The following ZNF106 variants were observed in gnomAD, a reference collection of about 807,000 sequenced individuals.
ZNF106 encodes the protein SH3-domain binding protein 3.
ZNF106 carries 67 observed loss-of-function variants against 195.1 expected under a neutral mutation model. The ratio of observed to expected loss-of-function variants is 0.34; its 90% CI spans 0.28 to 0.42. The LOEUF (loss-of-function observed/expected upper bound fraction) is 0.42. ZNF106 is among the 10% of genes least tolerant of loss of function. ZNF106 has a pLI of 1.00. For missense variants in ZNF106, 2,118 were observed against 2,304.5 expected (o/e 0.92, Z 1.66); for synonymous variants, 784 against 818.6 (o/e 0.96, Z 0.72).
At chr15:42,437,470 G>C (rs1360555928) in intron 12 of ZNF106, 93 bp from the exon 13 acceptor site, 2 of 1,427,916 alleles carry the variant, frequency 1.4e-6, no homozygotes, top group Admixed American at 4.7e-5. Context: ...GTAGTCCCTA[G>C]ATTAAACCAA....
chr15:42,458,298 C>T (rs1289611232), intron 3 of ZNF106, among the ~76,000 whole-genome samples: 1 of 151,806 alleles, frequency 6.6e-6, no homozygotes, highest in Non-Finnish European at 1.5e-5. Context: ...CTCACAAATA[C>T]CTAACTAGAC....
chr15:42,428,920 C>T (rs979878454), intron 14 of ZNF106, among the ~76,000 whole-genome samples: 4 of 151,628 alleles, frequency 2.6e-5, no homozygotes, highest in Admixed American at 1.3e-4. Context: ...CCCGCCACCA[C>T]GCCCAGCTAA....
rs1305078993 is a variant in ZNF106 at position 42,451,222 on chromosome 15, T to C, written c.1050A>G (p.Ala350=). ...CACTAACTTTGGAAGTAGCAGTGTC[T>C]GCTTGTTTAGTGGTTTGGCTTTCCA... ...EQLESQTTKQ[A]DTATSKVSGK... is the part of the protein sequence containing the mutation. Residue 350 remains alanine, a synonymous_variant, in exon 5 of 22, where the codon GCA becomes GCG. Coordinates refer to ENST00000564754, the MANE Select transcript of ZNF106 (RefSeq NM_001366845.3). 1.2e-6 allele frequency: 2 copies of C among 1,614,090 alleles called. No homozygotes were observed. Among genetic ancestry groups the C allele is most frequent in the Non-Finnish European group, 1.7e-6 (2 of 1,180,010 alleles).
intron 2 of ZNF106, among the ~76,000 whole-genome samples, chr15:42,468,635 C>T (rs1027827348): frequency 2.9e-4 from 44 of 151,596 alleles, no homozygotes; most frequent in Non-Finnish European, 5.9e-4. Context: ...CCCAGCTACT[C>T]AGAAGGCTGA....
chr15:42,413,890 A>C lies in ZNF106; in HGVS notation c.*3414T>G, dbSNP rs1038054467. On this transcript the variant is annotated 3_prime_UTR_variant, in exon 22 of 22. Transcript: ENST00000564754. ...TGGTGTGGAACTGCTTTATAAACTG[A>C]GTAGAGACGTATGCCAAAATTATTT... 1.3e-5 allele frequency: 2 copies of C among 152,240 alleles called. No individual in the cohort carries two copies. The highest frequency in any genetic ancestry group is 2.9e-5 in the Non-Finnish European group (2 of 68,050). 9.4% of individuals were successfully genotyped at this position (152,240 alleles called of 1,614,324 possible). A position where few individuals can be genotyped will look rare whatever the true frequency, so the allele number is the denominator to read the frequency against.
At chr15:42,455,840 T>TAAA (rs2056207702) in intron 4 of ZNF106, among the ~76,000 whole-genome samples, 1 of 152,194 alleles carries the variant, frequency 6.6e-6, no homozygotes, top group South Asian at 2.1e-4. Context: ...TTCTGGGACT[T>TAAA]AAAAAATTAT....
intron 4 of ZNF106, among the ~76,000 whole-genome samples, chr15:42,454,907 AAAAG>A (rs1042867937): frequency 2.0e-5 from 3 of 152,088 alleles, no homozygotes; most frequent in African/African-American, 7.2e-5. Flanking sequence ...TCAAAAAAAA[AAAAG>A]AAGTAGATGA....
intron 4 of ZNF106, among the ~76,000 whole-genome samples, chr15:42,452,173 T>G (rs759039162): frequency 2.6e-5 from 4 of 152,188 alleles, no homozygotes; most frequent in Non-Finnish European, 5.9e-5. Flanking sequence ...CATTTTAAAT[T>G]ACTTAAATTT....
Position 42,450,645 on chromosome 15 carries a change from T to C in ZNF106, c.1627A>G (p.Thr543Ala), listed in dbSNP as rs2055976975. The change falls in exon 5 of 22, where the codon ACA (threonine) becomes GCA (alanine). Residue 543 changes from threonine (T) to alanine (A), a missense_variant. By Grantham distance (58) the Thr-to-Ala change is moderately conservative. Coordinates refer to ENST00000564754, the MANE Select transcript of ZNF106 (RefSeq NM_001366845.3). Reference protein sequence around the residue: ...CPHVLKGNKSTFGSQKQSGDN... With the variant: ...CPHVLKGNKSAFGSQKQSGDN... Reference sequence around the variant, plus strand: ...CCAGATTGCTTTTGAGAGCCAAATGTACTTTTATTCCCTTTTAAAACATGA... The same window carrying C: ...CCAGATTGCTTTTGAGAGCCAAATGCACTTTTATTCCCTTTTAAAACATGA... 1.2e-6 allele frequency: 2 copies of C among 1,614,234 alleles called. No homozygotes were observed. The highest frequency in any genetic ancestry group is 8.5e-7 in the Non-Finnish European group (1 of 1,180,040).
At chr15:42,488,581 T>G (rs1595504813) in intron 1 of ZNF106, among the ~76,000 whole-genome samples, 1 of 152,034 alleles carries the variant, frequency 6.6e-6, no homozygotes, top group East Asian at 1.9e-4. Flanking sequence ...AATCCTAAAC[T>G]CTCCACTAAG....
chr15:42,459,681 A>G (rs897333501), intron 3 of ZNF106, among the ~76,000 whole-genome samples: 1 of 152,186 alleles, frequency 6.6e-6, no homozygotes, highest in African/African-American at 2.4e-5. Context: ...TCTGAGGACT[A>G]TAACAAATCT....
intron 12 of ZNF106, among the ~76,000 whole-genome samples, chr15:42,437,889 A>G (rs1157843467): frequency 2.7e-5 from 4 of 149,938 alleles, no homozygotes; most frequent in African/African-American, 2.5e-5. Flanking sequence ...CCTGGGCGAC[A>G]ACGACTCCGT....
chr15:42,417,286 C>T lies in ZNF106; in HGVS notation c.*18G>A, dbSNP rs531354919. On this transcript the variant is annotated 3_prime_UTR_variant, in exon 22 of 22. Transcript: ENST00000564754. ...AATAGTTCAACTAATGACTTCCCAA[C>T]GTGGGAGGCAAAAAACTTCATGAAT... The T allele has an allele frequency of 2.4e-5, 38 of 1,613,638 alleles. No individual in the cohort carries two copies. The African/African-American group carries it at 2.4e-4, about 10-fold the overall frequency.
intron 13 of ZNF106, among the ~76,000 whole-genome samples, chr15:42,435,984 C>T (rs1294936924): frequency 2.7e-5 from 4 of 149,104 alleles, no homozygotes; most frequent in East Asian, 3.9e-4. Context: ...GACAGAGTCT[C>T]GCTCTGTCCC....
At chr15:42,454,853 C>G (rs1318224832) in intron 4 of ZNF106, among the ~76,000 whole-genome samples, 2 of 151,452 alleles carry the variant, frequency 1.3e-5, no homozygotes, top group South Asian at 4.2e-4. Context: ...GAGGTGTCAT[C>G]GTGCCACTGC....
intron 4 of ZNF106, 27 bp from the exon 5 acceptor site, chr15:42,451,981 C>G (rs568904235): frequency 6.3e-7 from 1 of 1,583,626 alleles, no homozygotes; most frequent in Non-Finnish European, 8.6e-7. Context: ...TTTTCATTAG[C>G]GATTTAAAGG....
At chr15:42,447,315 G>A (rs1313535690) in intron 6 of ZNF106, among the ~76,000 whole-genome samples, 1 of 152,052 alleles carries the variant, frequency 6.6e-6, no homozygotes, top group Non-Finnish European at 1.5e-5. Flanking sequence ...AGGAGTTCCA[G>A]AGCAGTATGG....
At chr15:42,456,695 C>T (rs2056237281) in intron 4 of ZNF106, among the ~76,000 whole-genome samples, 1 of 151,828 alleles carries the variant, frequency 6.6e-6, no homozygotes, top group African/African-American at 2.4e-5. Context: ...TAAAGCCATT[C>T]TCAACATAGT....
intron 20 of ZNF106, among the ~76,000 whole-genome samples, chr15:42,419,352 C>T (rs889540415): frequency 4.0e-5 from 6 of 151,702 alleles, no homozygotes; most frequent in African/African-American, 1.5e-4. Context: ...GAGCGAGACT[C>T]TGTCTCAGAA....
Sources: allele counts gnomAD v4.1 joint callset (sites outside exome capture counted in the v4.1 genomes callset), GRCh38; gene constraint gnomAD v4.1.1; transcripts MANE v1.5; gene names NCBI Gene and HGNC (gene_info 2026-07-23, HGNC 2026-07-21).